Variants in PPP4R3B observed in about 807,000 individuals in gnomAD.
The protein encoded by PPP4R3B is serine/threonine-protein phosphatase 4 regulatory subunit 3B.
Under a neutral mutation model 95.4 loss-of-function variants are expected in PPP4R3B, and 52 were observed. The observed-to-expected ratio is 0.54, with a 90% CI of 0.44 to 0.69. The LOEUF (loss-of-function observed/expected upper bound fraction) is 0.69, where lower values mean the gene tolerates loss of function less well. PPP4R3B is among the 30% of genes least tolerant of loss of function. The probability of loss-of-function intolerance (pLI) is 0.00; values close to 1 mark genes in which losing one functional copy is unlikely to be tolerated. For missense variants in PPP4R3B, 1,003 were observed against 1,005.9 expected (o/e 1.00, Z 0.04); for synonymous variants, 407 against 343.9 (o/e 1.18, Z -2.03).
chr2:55,573,886 C>CTT (rs369126683), intron 11 of PPP4R3B, 109 bp from the exon 12 acceptor site: 73,627 of 273,012 alleles, frequency 0.27, 11,254 homozygotes, highest in Admixed American at 0.37. Flanking sequence ...GTATTTCCTC[C>CTT]TTTTTTTTTT....
At chr2:55,581,448 C>T in intron 8 of PPP4R3B, 119 bp downstream of exon 8, 1 of 1,015,296 alleles carries the variant, frequency 9.8e-7, no homozygotes, top group Non-Finnish European at 1.4e-6. Context: ...ATAAGAATAC[C>T]ACTGCTACTT....
At chr2:55,615,850 C>T (rs1348981862) in intron 1 of PPP4R3B, among the ~76,000 whole-genome samples, 1 of 93,734 alleles carries the variant, frequency 1.1e-5, no homozygotes, top group Non-Finnish European at 1.7e-5. Flanking sequence ...GAGCAAGACT[C>T]TGTCTCCAAA....
At chr2:55,569,614 G>A (rs982663217) in intron 12 of PPP4R3B, among the ~76,000 whole-genome samples, 18 of 152,190 alleles carry the variant, frequency 1.2e-4, no homozygotes, top group African/African-American at 4.3e-4. Flanking sequence ...CAGGCAGGGA[G>A]GAGCCCCCTG....
chr2:55,564,102 C>A (rs1285462698), intron 15 of PPP4R3B, among the ~76,000 whole-genome samples: 1 of 152,082 alleles, frequency 6.6e-6, no homozygotes, highest in Non-Finnish European at 1.5e-5. Context: ...AACAGCATTA[C>A]AAAATAGCAA....
rs1344934505 is a variant in PPP4R3B, at chr2:55,547,817, G to A, written c.*2094C>T. The A allele has an allele frequency of 6.6e-6, 1 of 152,206 alleles. No homozygotes were observed. Among genetic ancestry groups the A allele is most frequent in the Admixed American group, 6.6e-5 (1 of 15,266 alleles). 9.4% of individuals were successfully genotyped at this position (152,206 alleles called of 1,614,324 possible). ...GGCACCTGTAATCCCAGCTACTCAG[G>A]CTGAGGCAGAGAATTGCTTGAACCC... On this transcript the variant is annotated 3_prime_UTR_variant, in exon 17 of 17. Transcript: ENST00000616407.
At chr2:55,586,783 G>T in intron 5 of PPP4R3B, 49 bp from the exon 6 acceptor site, 1 of 1,110,228 alleles carries the variant, frequency 9.0e-7, no homozygotes, top group Non-Finnish European at 1.4e-6. Flanking sequence ...TAAACTTGGG[G>T]CACACTATAG....
rs1688279698 is a variant in PPP4R3B, at chr2:55,573,599, T to C, written c.1765+20A>G. 2 of 1,522,244 alleles carry C rather than the reference T, an allele frequency of 1.3e-6. No individual in the cohort carries two copies. The highest frequency in any genetic ancestry group is 1.8e-6 in the Non-Finnish European group (2 of 1,139,018). 94.3% of individuals were successfully genotyped at this position (1,522,244 alleles called of 1,614,324 possible). A position where few individuals can be genotyped will look rare whatever the true frequency, so the allele number is the denominator to read the frequency against. On this transcript the variant is annotated intron_variant, in intron 12 of 16. Coordinates refer to ENST00000616407, the MANE Select transcript of PPP4R3B (RefSeq NM_001122964.3). Reference sequence around the variant, plus strand: ...TTATCTCTATTAAAAATGTTGCTCCTTAAAACATTTTATACTTACACAAGG... The same window carrying C: ...TTATCTCTATTAAAAATGTTGCTCCCTAAAACATTTTATACTTACACAAGG...
chr2:55,575,548 T>A (rs1688566362), intron 11 of PPP4R3B, among the ~76,000 whole-genome samples: 2 of 151,996 alleles, frequency 1.3e-5, no homozygotes, highest in Non-Finnish European at 2.9e-5. Flanking sequence ...CAGACTCAAG[T>A]GATCCTGCCA....
chr2:55,567,093 A>G (rs1687407505), intron 13 of PPP4R3B, among the ~76,000 whole-genome samples: 1 of 152,214 alleles, frequency 6.6e-6, no homozygotes, highest in Non-Finnish European at 1.5e-5. Flanking sequence ...GTGTTTAAGT[A>G]CAGGTGAAGT....
chr2:55,581,116 G>A (rs999408079), intron 8 of PPP4R3B, among the ~76,000 whole-genome samples: 6 of 152,054 alleles, frequency 3.9e-5, no homozygotes, highest in Admixed American at 3.9e-4. Context: ...AGCCAGGTGT[G>A]GTGGTGTGCG....
At chr2:55,599,625 C>G (rs935177) in intron 3 of PPP4R3B, among the ~76,000 whole-genome samples, 72,694 of 151,970 alleles carry the variant, frequency 0.48, 18,518 homozygotes, top group Non-Finnish European at 0.57. Context: ...ACAACACAAT[C>G]TGATCATAAC....
chr2:55,578,310 T>TC lies in PPP4R3B; in HGVS notation c.1500dup (p.Ser501GlufsTer23). 6.9e-7 allele frequency: 1 copy of TC among 1,456,570 alleles called. No homozygotes were observed. Among genetic ancestry groups the TC allele is most frequent in the Non-Finnish European group, 9.1e-7 (1 of 1,104,364 alleles). 90.2% of individuals were successfully genotyped at this position (1,456,570 alleles called of 1,614,324 possible). On this transcript the variant is annotated frameshift_variant, in exon 10 of 17. Transcript: ENST00000616407. LOFTEE classifies it high-confidence loss of function. Reference sequence around the variant, plus strand: ...GAATGTGAAGGGGTACATATGAAACTCCAACTATATCTGTAATGTTTTAAA... The same window carrying TC: ...GAATGTGAAGGGGTACATATGAAACTCCCAACTATATCTGTAATGTTTTAAA...
Position 55,581,698 on chromosome 2 carries a change from C to T in PPP4R3B, c.1234G>A (p.Asp412Asn), listed in dbSNP as rs779367769. 3 of 1,610,566 alleles carry T rather than the reference C, an allele frequency of 1.9e-6. 1 individual carries two copies. The highest frequency in any genetic ancestry group is 2.2e-5 in the East Asian group (1 of 44,742). Residue 412 changes from aspartate (D) to asparagine (N), a missense_variant and splice_region_variant, in exon 8 of 17, where the codon GAT becomes AAT. Asp to Asn is a conservative substitution (Grantham distance 23). Coordinates refer to ENST00000616407, the MANE Select transcript of PPP4R3B (RefSeq NM_001122964.3). ...ATTACCACATTAATAAGAAGAATAT[C>T]CTGGTGGCAAAACAAAACAAAACAA... ...VMQEAQQSDD[D>N]ILLINVVIEQ...
Position 55,555,203 on chromosome 2 carries a change from C to T in PPP4R3B, c.2454+3572G>A, listed in dbSNP as rs548228269. Among the ~76,000 whole-genome samples, 9 of 148,118 alleles carry T rather than the reference C, an allele frequency of 6.1e-5. No homozygotes were observed. The South Asian group carries it at 1.9e-3, about 31-fold the overall frequency. ...GCTGAGGTAGGAAAATGGTGTGAAC[C>T]TGGGAGGCGGAGCTTGCAGTGAGCC... is the stretch of plus-strand genomic sequence containing the variant. On this transcript the variant is annotated intron_variant, in intron 16 of 16. Coordinates refer to ENST00000616407, the MANE Select transcript of PPP4R3B (RefSeq NM_001122964.3).
chr2:55,612,852 A>G (rs1271476960), intron 2 of PPP4R3B, among the ~76,000 whole-genome samples: 2 of 152,034 alleles, frequency 1.3e-5, no homozygotes, highest in African/African-American at 2.4e-5. Flanking sequence ...AGGCTGAGGC[A>G]GGAGAATGGT....
rs1210480676 is a variant in PPP4R3B at position 55,579,699 on chromosome 2, G to A, written c.1448C>T (p.Ser483Leu). ...CCTACCCTTTTCACATTTGTCTTCT[G>A]AAGTATTGGTCAAAAGTGGTGCTGT... ...VLTAPLLTNT[S>L]EDKCEKDFFL... Residue 483 changes from serine (S) to leucine (L), a missense_variant, in exon 9 of 17, where the codon TCA (serine) becomes TTA (leucine). By Grantham distance (145) the Ser-to-Leu change is moderately radical. Transcript: ENST00000616407. 1.9e-6 allele frequency: 3 copies of A among 1,597,886 alleles called. No homozygotes were observed. Among genetic ancestry groups the A allele is most frequent in the South Asian group, 1.1e-5 (1 of 87,898 alleles).
At chr2:55,571,124 C>T (rs1687942903) in intron 12 of PPP4R3B, among the ~76,000 whole-genome samples, 1 of 152,112 alleles carries the variant, frequency 6.6e-6, no homozygotes, top group African/African-American at 2.4e-5. Context: ...GCCTGGCCAA[C>T]ATGGTGAAAC....
intron 15 of PPP4R3B, among the ~76,000 whole-genome samples, chr2:55,561,486 AC>A (rs1181454295): frequency 6.6e-6 from 1 of 152,154 alleles, no homozygotes; most frequent in Non-Finnish European, 1.5e-5. Context: ...AGATCTACCA[AC>A]AGCTTGCACC....
rs145751814 is a variant in PPP4R3B, at chr2:55,567,328, T to A, written c.1935+866A>T. Among the ~76,000 whole-genome samples, 634 of 152,328 alleles carry A rather than the reference T, an allele frequency of 4.2e-3. 2 individuals carry two copies. Among genetic ancestry groups the A allele is most frequent in the Non-Finnish European group, 5.9e-3 (404 of 68,036 alleles). On this transcript the variant is annotated intron_variant, in intron 13 of 16. Coordinates refer to ENST00000616407, the MANE Select transcript of PPP4R3B (RefSeq NM_001122964.3). ...TTCCTGATCTATAAAATACGGTAAT[T>A]GGAGTAGTCCATCTAACTTCCTGAT...
Sources: gnomAD v4.1 joint callset for allele counts (sites outside exome capture counted in the v4.1 genomes callset) on GRCh38, gnomAD v4.1.1 for gene constraint, MANE v1.5 for transcripts, NCBI Gene and HGNC (gene_info 2026-07-23, HGNC 2026-07-21) for gene names.